TRAPPC9: variants seen among roughly 807,000 people sequenced by gnomAD.
The protein encoded by TRAPPC9 is IKK2 binding protein.
A neutral mutation model predicts 124.0 loss-of-function variants in TRAPPC9; 83 were observed. The ratio of observed to expected loss-of-function variants is 0.67; its 90% CI spans 0.56 to 0.80. The LOEUF is 0.80. TRAPPC9 is among the 30% of genes least tolerant of loss of function. The pLI is 0.00. For synonymous variants in TRAPPC9, 638 were observed against 617.5 expected (o/e 1.03, Z -0.49); for missense variants, 1,302 against 1,508.3 (o/e 0.86, Z 2.27).
At chr8:139,955,362 A>G (rs944117881) in intron 19 of TRAPPC9, among the ~76,000 whole-genome samples, 4 of 152,116 alleles carry the variant, frequency 2.6e-5, no homozygotes, top group Admixed American at 2.0e-4. Context: ...GACACACAGC[A>G]CCAGCCGCAC....
At position 140,371,891 on chromosome 8, in the gene TRAPPC9, C is replaced by T. The variant is rs528560233; in HGVS notation, c.1135-711G>A. On this transcript the variant is annotated intron_variant, in intron 7 of 22. Coordinates refer to ENST00000438773, the MANE Select transcript of TRAPPC9 (RefSeq NM_001160372.4). ...CTAATTTTTGTACTTTCAGTAGAGA[C>T]GGGATTTCACCATGTTAACCAGGCT... Among the ~76,000 whole-genome samples, 80 of 152,210 alleles carry T rather than the reference C, an allele frequency of 5.3e-4. 3 individuals are homozygous for T. In the South Asian group the frequency reaches 0.016, roughly 31 times the overall value.
At chr8:140,284,956 C>T (rs986357377) in intron 13 of TRAPPC9, among the ~76,000 whole-genome samples, 1 of 152,206 alleles carries the variant, frequency 6.6e-6, no homozygotes, top group East Asian at 1.9e-4. Flanking sequence ...AATGTCCTTT[C>T]TATAAAACCT....
At chr8:139,756,588 T>A (rs531462589) in intron 21 of TRAPPC9, among the ~76,000 whole-genome samples, 6 of 133,994 alleles carry the variant, frequency 4.5e-5, no homozygotes, top group African/African-American at 1.8e-4. Context: ...GAGCCCGGGA[T>A]GGGGTATAAG....
intron 17 of TRAPPC9, among the ~76,000 whole-genome samples, chr8:140,056,938 C>T (rs550549098): frequency 3.3e-5 from 5 of 152,124 alleles, no homozygotes; most frequent in South Asian, 2.1e-4. Context: ...ATATCCAAAA[C>T]GTATAAAGAA....
chr8:140,290,196 CA>C (rs1224287752), intron 12 of TRAPPC9, among the ~76,000 whole-genome samples: 1 of 152,168 alleles, frequency 6.6e-6, no homozygotes, highest in Non-Finnish European at 1.5e-5. Context: ...CGACACGTGG[CA>C]AGAGCACTCA....
intron 19 of TRAPPC9, among the ~76,000 whole-genome samples, chr8:139,981,967 A>G (rs1870808): frequency 0.63 from 95,601 of 152,116 alleles, 30,146 homozygotes; most frequent in African/African-American, 0.67. Flanking sequence ...TCCCTGCAGC[A>G]AGCGAGGGGG....
intron 18 of TRAPPC9, among the ~76,000 whole-genome samples, chr8:139,991,433 G>T (rs1195683925): frequency 6.6e-6 from 1 of 152,150 alleles, no homozygotes; most frequent in East Asian, 1.9e-4. Context: ...CTTCCTATCT[G>T]TGAATAAGTT....
At chr8:140,142,362 C>T (rs964025348) in intron 17 of TRAPPC9, among the ~76,000 whole-genome samples, 1 of 152,254 alleles carries the variant, frequency 6.6e-6, no homozygotes, top group Non-Finnish European at 1.5e-5. Flanking sequence ...CCAAAAAGCA[C>T]CTCCAAAACA....
chr8:140,109,503 T>C (rs2060724744), intron 17 of TRAPPC9, among the ~76,000 whole-genome samples: 2 of 152,262 alleles, frequency 1.3e-5, no homozygotes, highest in South Asian at 4.1e-4. Flanking sequence ...TATCTGGGTC[T>C]AAATTCCAGG....
At chr8:140,326,701 T>C (rs2066747116) in intron 9 of TRAPPC9, among the ~76,000 whole-genome samples, 1 of 152,006 alleles carries the variant, frequency 6.6e-6, no homozygotes, top group Non-Finnish European at 1.5e-5. Context: ...CACGAGACTT[T>C]GTCTCTAATA....
At chr8:139,902,580 T>C (rs939141348) in intron 20 of TRAPPC9, among the ~76,000 whole-genome samples, 2 of 152,256 alleles carry the variant, frequency 1.3e-5, no homozygotes, top group Non-Finnish European at 2.9e-5. Context: ...CCGTTTATAG[T>C]AAAATTCATT....
At chr8:140,407,913 C>T (rs1476235346) in intron 5 of TRAPPC9, among the ~76,000 whole-genome samples, 4 of 152,116 alleles carry the variant, frequency 2.6e-5, no homozygotes, top group East Asian at 3.9e-4. Flanking sequence ...TGAGCCACTG[C>T]GTCTAGCTGA....
At chr8:140,033,674 T>TTTTGC (rs1563706844) in intron 17 of TRAPPC9, among the ~76,000 whole-genome samples, 2 of 93,070 alleles carry the variant, frequency 2.1e-5, no homozygotes, top group Non-Finnish European at 4.3e-5. Flanking sequence ...TTTTTTTTTT[T>TTTTGC]TTTTTTTTTT....
intron 17 of TRAPPC9, among the ~76,000 whole-genome samples, chr8:140,081,516 C>T (rs4361740): frequency 0.44 from 66,191 of 151,516 alleles, 15,211 homozygotes; most frequent in Middle Eastern, 0.55. Flanking sequence ...CAGCTAATTT[C>T]TGTATTTTTA....
rs554676327 is a variant in TRAPPC9, at chr8:140,053,421, G to A, written c.2557-29342C>T. ...AGCTTTATTCTACTGGGTTGGAGAA[G>A]ATACTTGGTACAATTTCAGTCTTTT... is the stretch of plus-strand genomic sequence containing the variant. On this transcript the variant is annotated intron_variant, in intron 17 of 22. Coordinates refer to ENST00000438773, the MANE Select transcript of TRAPPC9 (RefSeq NM_001160372.4). Among the ~76,000 whole-genome samples, 4 of 152,322 alleles carry A rather than the reference G, an allele frequency of 2.6e-5. No homozygotes were observed. In the South Asian group the frequency reaches 8.3e-4, roughly 32 times the overall value.
intron 20 of TRAPPC9, among the ~76,000 whole-genome samples, chr8:139,891,305 T>C (rs1830329387): frequency 6.6e-6 from 1 of 152,232 alleles, no homozygotes; most frequent in Non-Finnish European, 1.5e-5. Context: ...AGAACTTTTC[T>C]GAAGGAAGGG....
intron 20 of TRAPPC9, among the ~76,000 whole-genome samples, chr8:139,898,693 C>T (rs992744324): frequency 2.4e-4 from 37 of 152,176 alleles, no homozygotes; most frequent in Admixed American, 1.3e-4. Context: ...GAGGATGTGG[C>T]TCTTCTGTGA....
intron 17 of TRAPPC9, among the ~76,000 whole-genome samples, chr8:140,176,951 T>C (rs2062084231): frequency 6.6e-6 from 1 of 152,152 alleles, no homozygotes; most frequent in African/African-American, 2.4e-5. Flanking sequence ...GTATCTTCTT[T>C]GGTGAATTAG....
chr8:140,016,207 C>A (rs1463814485), intron 18 of TRAPPC9, among the ~76,000 whole-genome samples: 3 of 152,164 alleles, frequency 2.0e-5, no homozygotes, highest in South Asian at 4.1e-4. Flanking sequence ...CAACGAAATA[C>A]ACAAATCTGA....
Sources: gnomAD v4.1 joint callset for allele counts (sites outside exome capture counted in the v4.1 genomes callset) on GRCh38, gnomAD v4.1.1 for gene constraint, MANE v1.5 for transcripts, NCBI Gene and HGNC (gene_info 2026-07-23, HGNC 2026-07-21) for gene names.